Variants in SHROOM4 observed in about 807,000 individuals in gnomAD.
SHROOM4 encodes the protein shroom family member 4.
SHROOM4 carries 17 observed loss-of-function variants against 80.3 expected under a neutral mutation model. The ratio of observed to expected loss-of-function variants is 0.21; its 90% CI spans 0.14 to 0.32. The LOEUF is 0.32. SHROOM4 is among the 10% of genes least tolerant of loss of function. The pLI is 1.00. For missense variants in SHROOM4, 993 were observed against 1,140.3 expected (o/e 0.87, Z 1.86); for synonymous variants, 400 against 437.5 (o/e 0.91, Z 1.07).
At chrX:50,728,789 A>C (rs919682107) in intron 1 of SHROOM4, among the ~76,000 whole-genome samples, 3 of 112,294 alleles carry the variant, frequency 2.7e-5, no homozygotes, top group Non-Finnish European at 1.9e-5. Context: ...TACATGCAAA[A>C]GTAAAGAGTC....
At chrX:50,739,536 T>C (rs1557267043) in intron 1 of SHROOM4, among the ~76,000 whole-genome samples, 2 of 110,994 alleles carry the variant, frequency 1.8e-5, no homozygotes, top group South Asian at 3.9e-4. Flanking sequence ...TGAACAGACA[T>C]TTCTGAAAAG....
In SHROOM4 at chrX:50,633,308, T is replaced by C. The variant is rs1351036275; in HGVS notation, c.2765A>G (p.Tyr922Cys). 1 of 1,209,312 alleles carries C rather than the reference T, an allele frequency of 8.3e-7. No individual in the cohort carries two copies. The highest frequency in any genetic ancestry group is 1.8e-5 in the African/African-American group (1 of 56,996). ...TTGGTGGTGGTGGCACCGGCAGTTG[T>C]AGCAATTTGGCATCATATTTCTCTT... ...LLKRNMMPNC[Y>C]NCRCHHHQCI... is the part of the protein sequence containing the mutation. Residue 922 changes from tyrosine to cysteine, a missense_variant, in exon 4 of 9, where the codon TAC becomes TGC. Tyr to Cys is a radical substitution (Grantham distance 194). Transcript: ENST00000376020.
chrX:50,623,151 C>T (rs189296139), intron 5 of SHROOM4, among the ~76,000 whole-genome samples: 36 of 111,891 alleles, frequency 3.2e-4, no homozygotes, highest in Admixed American at 2.6e-3. Flanking sequence ...TTTCCTTTTC[C>T]TAGCTAATTT....
At chrX:50,576,794 A>G in the SHROOM4 span, among the ~76,000 whole-genome samples, 121 of 111,960 alleles carry the variant, frequency 1.1e-3, no homozygotes, top group African/African-American at 3.8e-3. Context: ...TACATAAATA[A>G]CTTATCAATG....
chrX:50,590,383 A>C lies in SHROOM4; in HGVS notation c.*6312T>G, dbSNP rs1928846678. On this transcript the variant is annotated 3_prime_UTR_variant, in exon 9 of 9. Coordinates refer to ENST00000376020, the MANE Select transcript of SHROOM4 (RefSeq NM_020717.5). ...TGCCTCAGCCTCCCGACTAGCTGGG[A>C]CTACAGGCACCTGCCACCATGCCCT... Among the ~76,000 whole-genome samples, 1 of 111,082 alleles carries C rather than the reference A, an allele frequency of 9.0e-6. No homozygotes were observed. Among genetic ancestry groups the C allele is most frequent in the African/African-American group, 3.3e-5 (1 of 30,480 alleles).
rs1236504381 is a variant in SHROOM4, at chrX:50,633,465, T to C, written c.2608A>G (p.Met870Val). 1 of 1,210,180 alleles carries C rather than the reference T, an allele frequency of 8.3e-7. No individual in the cohort carries two copies. Among genetic ancestry groups the C allele is most frequent in the African/African-American group, 1.7e-5 (1 of 57,158 alleles). ...CFASKGLENS[M>V]CCKPLHCGDF... is the part of the protein sequence containing the mutation. The stretch of plus-strand genomic sequence containing the variant: ...CCACAGTGTAGTGGCTTACAACACA[T>C]GGAATTTTCTAGACCTTTGCTTGCA... Residue 870 changes from methionine to valine, a missense_variant, in exon 4 of 9, where the codon ATG (methionine) becomes GTG (valine). Coordinates refer to ENST00000376020, the MANE Select transcript of SHROOM4 (RefSeq NM_020717.5).
Position 50,634,912 on chromosome X carries a change from A to G in SHROOM4, c.1161T>C (p.Ala387=). The change falls in exon 4 of 9, where the codon GCT becomes GCC. Residue 387 remains alanine (A), a synonymous_variant. Transcript: ENST00000376020. ...AAGAAGCCTTAGCTAGCTCTGCAGA[A>G]GCCTCATTGAGTGGGTTGGAATCCA... ...SSVDSNPLNE[A]SAELAKASFG... 14 of 1,208,726 alleles carry G rather than the reference A, an allele frequency of 1.2e-5. No individual in the cohort carries two copies. The highest frequency in any genetic ancestry group is 1.6e-5 in the Non-Finnish European group (14 of 893,842).
intron 1 of SHROOM4, among the ~76,000 whole-genome samples, chrX:50,794,372 C>T (rs782749362): frequency 9.0e-6 from 1 of 110,912 alleles, no homozygotes; most frequent in Non-Finnish European, 1.9e-5. Context: ...GTCTAACATG[C>T]TAGATGAGCA....
chrX:50,795,129 TATATATATATATATATG>T (rs1569549156), intron 1 of SHROOM4, among the ~76,000 whole-genome samples: 26 of 2,287 alleles, frequency 0.011, 2 homozygotes, highest in African/African-American at 0.021. Flanking sequence ...ATATATATGA[TATATATATATATATATG>T]ATATATATAT....
chrX:50,706,523 TAAC>T (rs1267428836), intron 1 of SHROOM4, among the ~76,000 whole-genome samples: 1 of 111,946 alleles, frequency 8.9e-6, no homozygotes, highest in Non-Finnish European at 1.9e-5. Context: ...TCTGGAGAAG[TAAC>T]AATATTTTCA....
intron 2 of SHROOM4, among the ~76,000 whole-genome samples, chrX:50,673,235 G>A (rs782694149): frequency 1.3e-4 from 15 of 111,661 alleles, no homozygotes; most frequent in African/African-American, 4.9e-4. Flanking sequence ...CTAAATGTAT[G>A]TAAAGGAAAT....
intron 4 of SHROOM4, among the ~76,000 whole-genome samples, chrX:50,632,329 C>T (rs976808108): frequency 8.0e-5 from 9 of 111,817 alleles, no homozygotes; most frequent in Non-Finnish European, 1.5e-4. Flanking sequence ...TAAGTCATTT[C>T]AAAAGTGTCT....
rs782634664 is a variant in SHROOM4, at chrX:50,759,120, A to C, written c.117+54782T>G. ...ACTTCGTAGGTTGAAGCCCTAACTCAACAGTATCTCAGAACATGAATGAAT... is the reference window on the plus strand; with the variant it reads ...ACTTCGTAGGTTGAAGCCCTAACTCCACAGTATCTCAGAACATGAATGAAT... On this transcript the variant is annotated intron_variant, in intron 1 of 8. Coordinates refer to ENST00000376020, the MANE Select transcript of SHROOM4 (RefSeq NM_020717.5). 1.3e-4 allele frequency among the ~76,000 whole-genome samples: 15 copies of C among 112,135 alleles called. No individual in the cohort carries two copies. In the South Asian group the frequency reaches 5.6e-3, roughly 42 times the overall value.
At position 50,731,246 on chromosome X, in the gene SHROOM4, T is replaced by C. The variant is rs782504751; in HGVS notation, c.118-35309A>G. Among the ~76,000 whole-genome samples, 350 of 107,128 alleles carry C rather than the reference T, an allele frequency of 3.3e-3. 3 individuals are homozygous for C. Among genetic ancestry groups the C allele is most frequent in the Middle Eastern group, 1.0e-2 (2 of 201 alleles). The allele number at this position is 107,128 out of a possible 115,157, so 93.0% of individuals were successfully genotyped here. A position where few individuals can be genotyped will look rare whatever the true frequency, so the allele number is the denominator to read the frequency against. On this transcript the variant is annotated intron_variant, in intron 1 of 8. Transcript: ENST00000376020. ...TTTGGTTTAAAAAAAAAAAAGCAAGTCTGTGGTATCTGAACAAAAACTGCC... is the reference window on the plus strand; with the variant it reads ...TTTGGTTTAAAAAAAAAAAAGCAAGCCTGTGGTATCTGAACAAAAACTGCC...
At chrX:50,761,571 CT>C (rs373673685) in intron 1 of SHROOM4, among the ~76,000 whole-genome samples, 2,161 of 110,201 alleles carry the variant, frequency 0.02, 24 homozygotes, top group Middle Eastern at 0.06. Context: ...TGTATATCTT[CT>C]TTTTTTTTGA....
chrX:50,798,501 A>G, intron 1 of SHROOM4, among the ~76,000 whole-genome samples: 1 of 111,694 alleles, frequency 9.0e-6, no homozygotes, highest in Non-Finnish European at 1.9e-5. Flanking sequence ...AAAAGACAAT[A>G]TGAAACACAG....
intron 1 of SHROOM4, among the ~76,000 whole-genome samples, chrX:50,749,481 T>G (rs1257270110): frequency 1.8e-5 from 2 of 111,739 alleles, no homozygotes; most frequent in East Asian, 2.8e-4. Context: ...GATATCTTCA[T>G]AGATAATTTA....
intron 1 of SHROOM4, among the ~76,000 whole-genome samples, chrX:50,796,914 A>G (rs918351100): frequency 1.8e-5 from 2 of 109,982 alleles, no homozygotes; most frequent in Non-Finnish European, 3.8e-5. Context: ...TTTTAGACAT[A>G]CTGGGGTATG....
At chrX:50,660,601 CCTCT>C (rs1282650465) in intron 2 of SHROOM4, among the ~76,000 whole-genome samples, 1 of 78,625 alleles carries the variant, frequency 1.3e-5, no homozygotes, top group Non-Finnish European at 2.4e-5. Context: ...CCTCTCTCTC[CCTCT>C]CTCTCTCCCT....
Sources: allele counts gnomAD v4.1 joint callset (sites outside exome capture counted in the v4.1 genomes callset), GRCh38; gene constraint gnomAD v4.1.1; transcripts MANE v1.5; gene names NCBI Gene and HGNC (gene_info 2026-07-23, HGNC 2026-07-21).